The following SRGAP1 variants were observed in gnomAD, a reference collection of about 807,000 sequenced individuals.
SRGAP1 encodes the protein SLIT-ROBO Rho GTPase-activating protein 1.
SRGAP1 carries 43 observed loss-of-function variants against 121.9 expected under a neutral mutation model. That is an observed-to-expected ratio of 0.35 (90% CI 0.28 to 0.46). The LOEUF is 0.46. Ranked by LOEUF, SRGAP1 falls within the 20% of genes least tolerant of loss-of-function variation. SRGAP1 has a pLI of 1.00. For synonymous variants in SRGAP1, 447 were observed against 485.4 expected, an observed-to-expected ratio of 0.92 and a Z score of 1.04; for missense variants, 1,102 against 1,350.9, an observed-to-expected ratio of 0.82 and a Z score of 2.89.
intron 4 of SRGAP1, among the ~76,000 whole-genome samples, chr12:64,036,979 G>A (rs2034917639): frequency 6.6e-6 from 1 of 152,218 alleles, no homozygotes; most frequent in Non-Finnish European, 1.5e-5. Flanking sequence ...TATAGCTAAA[G>A]TGCTATGTGC....
At chr12:63,999,770 A>G (rs999827165) in intron 3 of SRGAP1, among the ~76,000 whole-genome samples, 1 of 152,120 alleles carries the variant, frequency 6.6e-6, no homozygotes, top group South Asian at 2.1e-4. Context: ...CAGGAGAGAG[A>G]TCAAGACTAG....
intron 1 of SRGAP1, among the ~76,000 whole-genome samples, chr12:63,868,070 TTTTTTTTTGTTTTTTTTTTTTTG>T (rs1899713991): frequency 1.4e-4 from 13 of 94,924 alleles, no homozygotes; most frequent in South Asian, 1.2e-3. Context: ...TTTTTTTTTT[TTTTTTTTTGTTTTTTTTTTTTTG>T]TTTTTTGAGA....
chr12:63,939,261 G>A (rs906469493), intron 1 of SRGAP1, among the ~76,000 whole-genome samples: 4 of 151,934 alleles, frequency 2.6e-5, no homozygotes, highest in Admixed American at 2.6e-4. Context: ...CCAATCCCAA[G>A]ACAGATCTCA....
intron 6 of SRGAP1, among the ~76,000 whole-genome samples, chr12:64,055,628 A>G (rs2035325903): frequency 6.6e-6 from 1 of 151,944 alleles, no homozygotes; most frequent in Non-Finnish European, 1.5e-5. Flanking sequence ...AGTAACCAAA[A>G]CAGCATGGTA....
At chr12:64,043,600 T>C in intron 6 of SRGAP1, 25 bp downstream of exon 6, 1 of 1,547,972 alleles carries the variant, frequency 6.5e-7, no homozygotes, top group Non-Finnish European at 8.8e-7. Flanking sequence ...TTTTTGTCTT[T>C]TCCATATTAA....
chr12:64,045,116 TA>T (rs1298499362), intron 6 of SRGAP1, among the ~76,000 whole-genome samples: 3 of 152,186 alleles, frequency 2.0e-5, no homozygotes, highest in African/African-American at 7.2e-5. Flanking sequence ...TTTCATTTAT[TA>T]CAAAATATTT....
intron 1 of SRGAP1, among the ~76,000 whole-genome samples, chr12:63,850,040 C>G (rs1477089791): frequency 6.6e-6 from 1 of 151,976 alleles, no homozygotes; most frequent in Admixed American, 6.6e-5. Context: ...TTTTTTTCAC[C>G]AGGACCATTT....
At chr12:63,920,429 A>G (rs2030995418) in intron 1 of SRGAP1, among the ~76,000 whole-genome samples, 1 of 152,160 alleles carries the variant, frequency 6.6e-6, no homozygotes, top group Non-Finnish European at 1.5e-5. Context: ...TGGAGATACA[A>G]GGTTGGGAAG....
chr12:63,969,478 C>A (rs1018901110), intron 1 of SRGAP1, among the ~76,000 whole-genome samples: 11 of 150,868 alleles, frequency 7.3e-5, no homozygotes, highest in Non-Finnish European at 5.9e-5. Context: ...AATGTACTGG[C>A]AGCAAAATGT....
At chr12:64,080,060 C>T (rs1003432385) in intron 9 of SRGAP1, among the ~76,000 whole-genome samples, 2 of 151,924 alleles carry the variant, frequency 1.3e-5, no homozygotes, top group South Asian at 2.1e-4. Flanking sequence ...CTGGCCAATA[C>T]GGAGAAACCC....
At chr12:63,894,131 G>GC (rs1565939736) in intron 1 of SRGAP1, among the ~76,000 whole-genome samples, 2 of 152,162 alleles carry the variant, frequency 1.3e-5, no homozygotes. Flanking sequence ...GAGCCACTAC[G>GC]CCCGGTGCCT....
chr12:64,041,225 T>C (rs1034793730), intron 4 of SRGAP1, among the ~76,000 whole-genome samples: 1 of 152,012 alleles, frequency 6.6e-6, no homozygotes, highest in Non-Finnish European at 1.5e-5. Context: ...GCACTTAAAA[T>C]TATGTTTAGA....
chr12:63,893,040 A>G (rs983169877), intron 1 of SRGAP1, among the ~76,000 whole-genome samples: 6 of 152,136 alleles, frequency 3.9e-5, no homozygotes, highest in African/African-American at 1.4e-4. Context: ...TAAGTACCAA[A>G]TTAGGATCTT....
At chr12:63,905,615 G>A (rs2030164586) in intron 1 of SRGAP1, among the ~76,000 whole-genome samples, 1 of 152,196 alleles carries the variant, frequency 6.6e-6, no homozygotes, top group Non-Finnish European at 1.5e-5. Context: ...AATAGAGTCA[G>A]TACGTCGGAA....
intron 1 of SRGAP1, among the ~76,000 whole-genome samples, chr12:63,976,944 T>G (rs1365693340): frequency 6.6e-6 from 1 of 152,144 alleles, no homozygotes; most frequent in Non-Finnish European, 1.5e-5. Context: ...CTTCCTAATT[T>G]ATGTGCAGAG....
At chr12:64,064,500 A>C (rs1304064790) in intron 7 of SRGAP1, among the ~76,000 whole-genome samples, 1 of 152,180 alleles carries the variant, frequency 6.6e-6, no homozygotes, top group African/African-American at 2.4e-5. Flanking sequence ...GAAAGATGCT[A>C]AAGTAGTCAT....
intron 1 of SRGAP1, among the ~76,000 whole-genome samples, chr12:63,941,574 G>A (rs1227052404): frequency 6.6e-6 from 1 of 151,500 alleles, no homozygotes; most frequent in Non-Finnish European, 1.5e-5. Context: ...CACCAAAGCT[G>A]TCTCTTAACA....
intron 1 of SRGAP1, among the ~76,000 whole-genome samples, chr12:63,945,622 C>G (rs2032020233): frequency 6.6e-6 from 1 of 152,142 alleles, no homozygotes; most frequent in African/African-American, 2.4e-5. Flanking sequence ...TTAGGGATGT[C>G]TAAATGTTGT....
intron 1 of SRGAP1, among the ~76,000 whole-genome samples, chr12:63,850,937 C>T (rs1482259670): frequency 6.6e-6 from 1 of 151,374 alleles, no homozygotes; most frequent in African/African-American, 2.4e-5. Flanking sequence ...GGGTGGATTG[C>T]TTGAGCCCAG....
Sources: allele counts gnomAD v4.1 joint callset (sites outside exome capture counted in the v4.1 genomes callset), GRCh38; gene constraint gnomAD v4.1.1; transcripts MANE v1.5; gene names NCBI Gene and HGNC (gene_info 2026-07-23, HGNC 2026-07-21).